The following TSPAN1 variants were observed in gnomAD, a reference collection of about 807,000 sequenced individuals.
TSPAN1 encodes the protein tetraspanin 1, also known as tetraspanin-1.
In TSPAN1, 23 loss-of-function variants were observed where a neutral mutation model predicts 26.9. The ratio of observed to expected loss-of-function variants is 0.85; its 90% CI spans 0.62 to 1.21. The LOEUF is 1.21. Ranked by LOEUF, TSPAN1 falls within the 50% of genes most tolerant of loss-of-function variation. The probability of loss-of-function intolerance (pLI) is 0.00; values close to 1 mark genes in which losing one functional copy is unlikely to be tolerated. For synonymous variants in TSPAN1, 115 were observed against 114.8 expected (o/e 1.00, Z -0.01); for missense variants, 283 against 298.4 (o/e 0.95, Z 0.38).
In TSPAN1 at chr1:46,184,221, A is replaced by C. The variant is rs1657373835; in HGVS notation, c.88A>C (p.Ile30Leu). ...LCGAALLAVG[I>L]WVSIDGASFL... ...TGGTGCAGCCCTGTTGGCAGTGGGC[A>C]TCTGGGTGTCAATCGATGGGGCATC... The change falls in exon 4 of 9, where the codon ATC becomes CTC. Residue 30 changes from isoleucine to leucine, a missense_variant. Physicochemically the swap from Ile to Leu is conservative, Grantham distance 5. Coordinates refer to ENST00000372003, the MANE Select transcript of TSPAN1 (RefSeq NM_005727.4). 1 of 1,614,020 alleles carries C rather than the reference A, an allele frequency of 6.2e-7. No homozygotes were observed. Among genetic ancestry groups the C allele is most frequent in the African/African-American group, 1.3e-5 (1 of 74,900 alleles).
At chr1:46,194,911 G>A in the TSPAN1 span, 2 of 1,614,018 alleles carry the variant, frequency 1.2e-6, no homozygotes. Context: ...GGCTGCCCAG[G>A]CTCCTCAGCA....
chr1:46,194,704 C>A, the TSPAN1 span: 1 of 1,614,172 alleles, frequency 6.2e-7, no homozygotes, highest in Non-Finnish European at 8.5e-7. Flanking sequence ...AGTTTGGGGG[C>A]TTTTTCCCAT....
intron 3 of TSPAN1, among the ~76,000 whole-genome samples, chr1:46,181,374 A>G (rs1319478346): frequency 6.6e-6 from 1 of 152,142 alleles, no homozygotes; most frequent in Non-Finnish European, 1.5e-5. Context: ...TGTGTGAAAA[A>G]GGGGATGGAG....
At chr1:46,186,753 C>T (rs1442490196), downstream of TSPAN1, among the ~76,000 whole-genome samples, 4 of 150,876 alleles carry the variant, frequency 2.7e-5, no homozygotes, top group Non-Finnish European at 5.9e-5. Context: ...GCTCCGCCCC[C>T]TGGGGTTCAC....
At chr1:46,193,038 C>T in the TSPAN1 span, 1 of 1,603,302 alleles carries the variant, frequency 6.2e-7, no homozygotes, top group East Asian at 2.2e-5. Flanking sequence ...CCTCTTCTTG[C>T]AGGCAGCATT....
chr1:46,188,694 TCTC>T (rs1206352237), downstream of TSPAN1: 104 of 1,595,048 alleles, frequency 6.5e-5, no homozygotes, highest in Middle Eastern at 1.8e-4. Flanking sequence ...CCAGAGGGCT[TCTC>T]CTTTTTTAAT....
intron 1 of TSPAN1, among the ~76,000 whole-genome samples, chr1:46,178,083 G>A (rs1657224514): frequency 6.6e-6 from 1 of 152,152 alleles, no homozygotes; most frequent in Admixed American, 6.5e-5. Flanking sequence ...GGTTCCAGGT[G>A]CGGTGGCTCA....
chr1:46,195,833 C>G, the TSPAN1 span: 1 of 1,601,332 alleles, frequency 6.2e-7, no homozygotes, highest in Non-Finnish European at 8.5e-7. Context: ...GATGAGCACT[C>G]GGCCGGGCGC....
At chr1:46,192,877 T>A in the TSPAN1 span, 1 of 1,614,062 alleles carries the variant, frequency 6.2e-7, no homozygotes, top group Non-Finnish European at 8.5e-7. Context: ...GGACCTCAAC[T>A]GAAACCTAGA....
rs141816531 is a variant in TSPAN1, at chr1:46,179,964, A to AGTGTGTGTGTGTGTGT, written c.-141-553_-141-538dup. Among the ~76,000 whole-genome samples, 472 of 146,866 alleles carry AGTGTGTGTGTGTGTGT rather than the reference A, an allele frequency of 3.2e-3. 3 individuals carry two copies. Among genetic ancestry groups the AGTGTGTGTGTGTGTGT allele is most frequent in the African/African-American group, 0.011 (441 of 39,802 alleles). On this transcript the variant is annotated intron_variant, in intron 1 of 8. Transcript: ENST00000372003. The stretch of plus-strand genomic sequence containing the variant: ...GAGAGACAGAGAAAGAGAAAGAGGG[A>AGTGTGTGTGTGTGTGT]GTGTGTGTGTGTGTGTGTGTGTGTT...
At chr1:46,183,026 G>A (rs1323476646) in intron 3 of TSPAN1, among the ~76,000 whole-genome samples, 1 of 152,058 alleles carries the variant, frequency 6.6e-6, no homozygotes, top group Non-Finnish European at 1.5e-5. Flanking sequence ...TATTGCCCAG[G>A]CTGGTCTCGA....
At chr1:46,193,987 A>G in the TSPAN1 span, 1 of 1,602,108 alleles carries the variant, frequency 6.2e-7, no homozygotes, top group Non-Finnish European at 8.5e-7. Context: ...ATCCCCACCT[A>G]GGGAAGACTT....
chr1:46,178,676 G>A (rs1042372509), intron 1 of TSPAN1, among the ~76,000 whole-genome samples: 1 of 152,154 alleles, frequency 6.6e-6, no homozygotes, highest in Non-Finnish European at 1.5e-5. Context: ...GCTCTTTATG[G>A]AAGCCAGCCT....
chr1:46,177,052 T>G (rs1165711045), intron 1 of TSPAN1, among the ~76,000 whole-genome samples: 2 of 152,086 alleles, frequency 1.3e-5, no homozygotes, highest in Non-Finnish European at 2.9e-5. Context: ...TATATATTGT[T>G]GGCCAGGCAT....
chr1:46,191,412 T>C, the TSPAN1 span: 5 of 181,738 alleles, frequency 2.8e-5, no homozygotes, highest in Admixed American at 5.4e-5. Context: ...GGCTGAAGCA[T>C]AGGCTCCAGC....
At chr1:46,182,899 C>T (rs181108654) in intron 3 of TSPAN1, among the ~76,000 whole-genome samples, 71 of 152,252 alleles carry the variant, frequency 4.7e-4, no homozygotes, top group Admixed American at 6.5e-4. Flanking sequence ...GCGTCAACCT[C>T]CTGGGCTCAA....
In TSPAN1 at chr1:46,175,245, C is replaced by A. The variant is rs1046928814; in HGVS notation, c.-306C>A. On this transcript the variant is annotated 5_prime_UTR_variant, in exon 1 of 9. Transcript: ENST00000372003. ...CTCCCAATACCTTCCAAGATGTTTACAGAGACCCTTCTCCCTGTGCAGTTA... is the reference window on the plus strand; with the variant it reads ...CTCCCAATACCTTCCAAGATGTTTAAAGAGACCCTTCTCCCTGTGCAGTTA... 25 of 207,952 alleles carry A rather than the reference C, an allele frequency of 1.2e-4. No individual in the cohort carries two copies. Among genetic ancestry groups the A allele is most frequent in the Admixed American group, 5.9e-5 (1 of 16,832 alleles). 12.9% of individuals were successfully genotyped at this position (207,952 alleles called of 1,614,324 possible).
At chr1:46,192,944 A>G in the TSPAN1 span, 6 of 1,614,216 alleles carry the variant, frequency 3.7e-6, no homozygotes, top group Admixed American at 5.0e-5. Context: ...CCAGAACCAC[A>G]GCAAACTTGG....
the TSPAN1 span, chr1:46,194,879 C>T: frequency 1.9e-6 from 3 of 1,614,200 alleles, no homozygotes; most frequent in South Asian, 3.3e-5. Flanking sequence ...TGTGTCCCTC[C>T]AGCCCAGGGC....
Sources: allele counts gnomAD v4.1 joint callset (sites outside exome capture counted in the v4.1 genomes callset), GRCh38; gene constraint gnomAD v4.1.1; transcripts MANE v1.5; gene names NCBI Gene and HGNC (gene_info 2026-07-23, HGNC 2026-07-21).